The following TNR variants were observed in gnomAD, a reference collection of about 807,000 sequenced individuals.
TNR encodes the protein tenascin-R.
In TNR, 45 loss-of-function variants were observed where a neutral mutation model predicts 150.4. The ratio of observed to expected loss-of-function variants is 0.30; its 90% confidence interval spans 0.24 to 0.38. The LOEUF is 0.38. TNR is among the 10% of genes least tolerant of loss of function. TNR has a pLI of 1.00. For missense variants in TNR, 1,544 were observed against 1,759.1 expected, an observed-to-expected ratio of 0.88 and a Z score of 2.19; for synonymous variants, 687 against 678.4, an observed-to-expected ratio of 1.01 and a Z score of -0.20.
intron 18 of TNR, among the ~76,000 whole-genome samples, chr1:175,343,475 G>A (rs1356801521): frequency 6.6e-6 from 1 of 152,198 alleles, no homozygotes; most frequent in African/African-American, 2.4e-5. Context: ...GAAGTGGCAA[G>A]TGATAATCAA....
chr1:175,674,861 AT>A (rs540667777), intron 1 of TNR, among the ~76,000 whole-genome samples: 72 of 152,250 alleles, frequency 4.7e-4, no homozygotes, highest in African/African-American at 1.7e-3. Flanking sequence ...GCTGTGATGG[AT>A]TTTTTAATTG....
chr1:175,605,043 G>A (rs1390103043), intron 1 of TNR, among the ~76,000 whole-genome samples: 1 of 152,206 alleles, frequency 6.6e-6, no homozygotes, highest in African/African-American at 2.4e-5. Flanking sequence ...ACCAAAGGGA[G>A]AAAGTGTAGG....
Position 175,319,742 on chromosome 1 carries a change from G to GCCTGGA in TNR, c.*3614_*3615insTCCAGG, listed in dbSNP as rs1648945935. On this transcript the variant is annotated 3_prime_UTR_variant, in exon 23 of 23. Coordinates refer to ENST00000367674, the MANE Select transcript of TNR (RefSeq NM_003285.3). ...GCCGGTTTTCCTGAGTCCTGGTTTG[G>GCCTGGA]CTCTCCTGGAAACTTGGAGACGTGG... 1 of 152,188 alleles carries GCCTGGA rather than the reference G, an allele frequency of 6.6e-6. No homozygotes were observed. Among genetic ancestry groups the GCCTGGA allele is most frequent in the Non-Finnish European group, 1.5e-5 (1 of 68,028 alleles). 9.4% of individuals were successfully genotyped at this position (152,188 alleles called of 1,614,324 possible).
intron 20 of TNR, chr1:175,333,359 C>A (rs1223613344): frequency 6.6e-6 from 1 of 152,152 alleles, no homozygotes; most frequent in East Asian, 1.9e-4. Context: ...TATACAGCAG[C>A]TCAGCTTTGG....
At chr1:175,542,255 A>G (rs1046347481) in intron 1 of TNR, among the ~76,000 whole-genome samples, 2 of 152,156 alleles carry the variant, frequency 1.3e-5, no homozygotes, top group Non-Finnish European at 2.9e-5. Flanking sequence ...CAAAAATACT[A>G]TACCCCTCCT....
chr1:175,471,941 AT>A (rs559867089), intron 2 of TNR, among the ~76,000 whole-genome samples: 25 of 148,208 alleles, frequency 1.7e-4, no homozygotes, highest in Admixed American at 2.0e-4. Context: ...TCTATTTCTA[AT>A]TTTTTTTTTT....
At chr1:175,372,275 T>C (rs776043378) in intron 9 of TNR, among the ~76,000 whole-genome samples, 2 of 152,188 alleles carry the variant, frequency 1.3e-5, no homozygotes, top group Non-Finnish European at 2.9e-5. Flanking sequence ...CACCCTCAGG[T>C]ATTCCTTTAT....
In TNR at chr1:175,321,997, T is replaced by G. The variant is rs780545123; in HGVS notation, c.*1360A>C. The G allele has an allele frequency of 2.0e-5, 3 of 152,174 alleles. No homozygotes were observed. The highest frequency in any genetic ancestry group is 7.2e-5 in the African/African-American group (3 of 41,446). The allele number at this position is 152,174 out of a possible 1,614,324, so 9.4% of individuals were successfully genotyped here. A position where few individuals can be genotyped will look rare whatever the true frequency, so the allele number is the denominator to read the frequency against. On this transcript the variant is annotated 3_prime_UTR_variant, in exon 23 of 23. Transcript: ENST00000367674. Reference sequence around the variant, plus strand: ...ACACTAAGGAGGGCTTGGGTGAAGATAGATATGAGGCCTTCGGTTTGCAAT... The same window carrying G: ...ACACTAAGGAGGGCTTGGGTGAAGAGAGATATGAGGCCTTCGGTTTGCAAT...
intron 2 of TNR, among the ~76,000 whole-genome samples, chr1:175,501,743 C>T (rs56318034): frequency 0.026 from 3,947 of 152,248 alleles, 84 homozygotes; most frequent in Middle Eastern, 0.051. Flanking sequence ...CCTTGTCTCT[C>T]TTTTTGCCAC....
At chr1:175,560,413 T>G (rs962257320) in intron 1 of TNR, among the ~76,000 whole-genome samples, 1 of 152,254 alleles carries the variant, frequency 6.6e-6, no homozygotes, top group African/African-American at 2.4e-5. Context: ...GCTGGTCAAT[T>G]AACCATGATG....
At chr1:175,415,642 G>A (rs1654409031) in intron 2 of TNR, among the ~76,000 whole-genome samples, 1 of 152,252 alleles carries the variant, frequency 6.6e-6, no homozygotes, top group Admixed American at 6.5e-5. Context: ...CTTCGTGTCA[G>A]TGTGGATTAG....
Position 175,599,695 on chromosome 1 carries a change from G to C in TNR, c.-164-71326C>G, listed in dbSNP as rs1033553007. Among the ~76,000 whole-genome samples the C allele has an allele frequency of 2.0e-5, 3 of 152,252 alleles. No individual in the cohort carries two copies. The highest frequency in any genetic ancestry group is 2.9e-5 in the Non-Finnish European group (2 of 68,038). On this transcript the variant is annotated intron_variant, in intron 1 of 22. Transcript: ENST00000367674. This position sits in a 1 kb window ranked among gnomAD's most constrained non-coding sequence, Gnocchi z 4.7. ...GCGGTGGGGAGAGGAGGACAGAGGGGCCAGGTGGAGCGGGGTCTGCAAACA... is the reference window on the plus strand; with the variant it reads ...GCGGTGGGGAGAGGAGGACAGAGGGCCCAGGTGGAGCGGGGTCTGCAAACA...
At chr1:175,331,087 T>TTCTTTCTTTCTC (rs1649841802) in intron 20 of TNR, among the ~76,000 whole-genome samples, 1 of 113,412 alleles carries the variant, frequency 8.8e-6, no homozygotes, top group African/African-American at 3.3e-5. Context: ...CCTTCTTTCT[T>TTCTTTCTTTCTC]TCTTTCTTTC....
intron 2 of TNR, among the ~76,000 whole-genome samples, chr1:175,500,484 A>G (rs1376176496): frequency 1.3e-5 from 2 of 152,182 alleles, no homozygotes; most frequent in African/African-American, 4.8e-5. Flanking sequence ...TGTTGACAAC[A>G]AAGGATGCTG....
chr1:175,323,216 G>T lies in TNR; in HGVS notation c.*141C>A. Reference sequence around the variant, plus strand: ...AAACCAAGAGCAGATGTTAGCCAGCGGATTCCTGCGACATCCCTGCTTCCT... The same window carrying T: ...AAACCAAGAGCAGATGTTAGCCAGCTGATTCCTGCGACATCCCTGCTTCCT... On this transcript the variant is annotated 3_prime_UTR_variant, in exon 23 of 23. Transcript: ENST00000367674. 9.0e-7 allele frequency: 1 copy of T among 1,106,116 alleles called. No individual in the cohort carries two copies. Among genetic ancestry groups the T allele is most frequent in the Non-Finnish European group, 1.3e-6 (1 of 799,532 alleles). The allele number at this position is 1,106,116 out of a possible 1,614,324, so 68.5% of individuals were successfully genotyped here.
chr1:175,675,421 A>T (rs1452367525), intron 1 of TNR, among the ~76,000 whole-genome samples: 1 of 152,210 alleles, frequency 6.6e-6, no homozygotes, highest in Non-Finnish European at 1.5e-5. Context: ...TATTGCATTC[A>T]TGACTCCCCT....
intron 1 of TNR, among the ~76,000 whole-genome samples, chr1:175,594,033 C>T (rs945572164): frequency 5.3e-5 from 8 of 152,206 alleles, no homozygotes; most frequent in Non-Finnish European, 7.3e-5. Flanking sequence ...CACATCTCCC[C>T]TCCCTGTTAC....
chr1:175,394,750 T>C (rs147033877), intron 5 of TNR, among the ~76,000 whole-genome samples: 98 of 152,332 alleles, frequency 6.4e-4, no homozygotes, highest in African/African-American at 2.2e-3. Flanking sequence ...TCATGCTTCT[T>C]GGTTGGAAGG....
intron 1 of TNR, among the ~76,000 whole-genome samples, chr1:175,673,186 C>A (rs560185263): frequency 3.3e-5 from 5 of 152,290 alleles, no homozygotes; most frequent in African/African-American, 1.2e-4. Flanking sequence ...GAGGGAAAGG[C>A]AGAATGGGAC....
Sources: allele counts gnomAD v4.1 joint callset (sites outside exome capture counted in the v4.1 genomes callset), GRCh38; gene constraint gnomAD v4.1.1; non-coding constraint Gnocchi (gnomAD v3.1); transcripts MANE v1.5; gene names NCBI Gene and HGNC (gene_info 2026-07-23, HGNC 2026-07-21).